Variants in VPS13A observed in about 807,000 individuals in gnomAD.
VPS13A encodes the protein vacuolar protein sorting 13 homolog A.
A neutral mutation model predicts 390.9 loss-of-function variants in VPS13A; 264 were observed. The observed-to-expected ratio is 0.68, with a 90% confidence interval of 0.61 to 0.75. The LOEUF (loss-of-function observed/expected upper bound fraction) is 0.75. Ranked by LOEUF, VPS13A falls within the 30% of genes least tolerant of loss-of-function variation. VPS13A has a pLI of 0.00. For missense variants in VPS13A, 3,409 were observed against 3,733.9 expected (o/e 0.91, Z 2.27); for synonymous variants, 1,231 against 1,227.1 (o/e 1.00, Z -0.07).
At chr9:77,181,958 T>C (rs1031427636) in intron 1 of VPS13A, among the ~76,000 whole-genome samples, 1 of 152,244 alleles carries the variant, frequency 6.6e-6, no homozygotes, top group African/African-American at 2.4e-5. Context: ...CAAATTTTGA[T>C]GTTGGTAAGG....
At position 77,220,334 on chromosome 9, in the gene VPS13A, T is replaced by C; in HGVS notation, c.940T>C (p.Tyr314His). The C allele has an allele frequency of 6.2e-7, 1 of 1,612,712 alleles. No individual in the cohort carries two copies. Among genetic ancestry groups the C allele is most frequent in the Non-Finnish European group, 8.5e-7 (1 of 1,179,292 alleles). ...SVDMMAQNLP[Y>H]RKFKPDVPLH... ...TGATATGATGGCACAAAATCTGCCA[T>C]ATAGGAAGTTCAAACCTGATGTGCC... is the stretch of plus-strand genomic sequence containing the variant. The change falls in exon 12 of 72, where the codon TAT becomes CAT. Residue 314 changes from tyrosine (Y) to histidine (H), a missense_variant. Tyr to His is a moderately conservative substitution (Grantham distance 83, BLOSUM62 2). Around this residue, in one of 5 missense-constraint regions of VPS13A, gnomAD observed 2,717 missense variants for 2,917.4 expected, o/e 0.93. Transcript: ENST00000360280.
At chr9:77,333,697 T>C (rs1485909364) in intron 46 of VPS13A, among the ~76,000 whole-genome samples, 1 of 152,114 alleles carries the variant, frequency 6.6e-6, no homozygotes, top group African/African-American at 2.4e-5. Flanking sequence ...ATATTTAAGA[T>C]GTGAGGTTTT....
chr9:77,350,136 T>C (rs1319270316), intron 52 of VPS13A, among the ~76,000 whole-genome samples: 5 of 152,218 alleles, frequency 3.3e-5, no homozygotes, highest in Admixed American at 2.6e-4. Context: ...AATTTTAAGA[T>C]TGAAACAGTA....
At chr9:77,283,955 C>T (rs1051910309) in intron 31 of VPS13A, among the ~76,000 whole-genome samples, 6 of 149,130 alleles carry the variant, frequency 4.0e-5, no homozygotes, top group Admixed American at 1.3e-4. Context: ...CTAGTAAATA[C>T]CTTTTTCACT....
chr9:77,181,529 A>AG, intron 1 of VPS13A, among the ~76,000 whole-genome samples: 1 of 151,772 alleles, frequency 6.6e-6, no homozygotes, highest in East Asian at 1.9e-4. Context: ...AAAAAAAAAA[A>AG]AAAAAAAGAA....
At chr9:77,382,907 C>T in intron 68 of VPS13A, 1 of 985,302 alleles carries the variant, frequency 1.0e-6, no homozygotes, top group Non-Finnish European at 1.2e-6. Flanking sequence ...CTGGATTATG[C>T]TGTAGGTAAC....
chr9:77,303,429 G>A (rs1828497497), intron 34 of VPS13A, among the ~76,000 whole-genome samples: 1 of 151,958 alleles, frequency 6.6e-6, no homozygotes, highest in African/African-American at 2.4e-5. Context: ...GAAGTGAAGG[G>A]GTGGCCTGCA....
rs1410489622 is a variant in VPS13A at position 77,177,757 on chromosome 9, A to G, written c.53A>G (p.Tyr18Cys). Reference sequence around the variant, plus strand: ...GTGTTGAACCGGTTCTTGGGGGACTATGTGGTGGACTTGGACACGTCCCAG... The same window carrying G: ...GTGTTGAACCGGTTCTTGGGGGACTGTGTGGTGGACTTGGACACGTCCCAG... ...VDVLNRFLGD[Y>C]VVDLDTSQLS... The change falls in exon 1 of 72, where the codon TAT becomes TGT. Residue 18 changes from tyrosine (Y) to cysteine (C), a missense_variant. This residue lies in a region of VPS13A where 2,717 missense variants were observed against 2,917.4 expected (regional missense o/e 0.93). Transcript: ENST00000360280. The G allele has an allele frequency of 1.6e-5, 26 of 1,613,382 alleles. No individual in the cohort carries two copies. Among genetic ancestry groups the G allele is most frequent in the African/African-American group, 2.7e-5 (2 of 74,864 alleles).
rs748899324 is a variant in VPS13A at position 77,226,459 on chromosome 9, A to C, written c.1225-7A>C. ...GTGTCATTTATTTGAAAATTTATTCATTTTAGGTAAAGAAAGCTGGATACA... is the reference window on the plus strand; with the variant it reads ...GTGTCATTTATTTGAAAATTTATTCCTTTTAGGTAAAGAAAGCTGGATACA... On this transcript the variant is annotated splice_region_variant and splice_polypyrimidine_tract_variant and intron_variant, in intron 14 of 71. Coordinates refer to ENST00000360280, the MANE Select transcript of VPS13A (RefSeq NM_033305.3). The C allele has an allele frequency of 5.0e-6, 8 of 1,601,814 alleles. No homozygotes were observed. The South Asian group carries it at 8.8e-5, about 18-fold the overall frequency.
At chr9:77,310,751 AG>A in intron 35 of VPS13A, among the ~76,000 whole-genome samples, 2 of 152,330 alleles carry the variant, frequency 1.3e-5, no homozygotes, top group Non-Finnish European at 2.9e-5. Context: ...AAGATGGATC[AG>A]GGGAAACAAA....
chr9:77,177,718 C>T lies in VPS13A; in HGVS notation c.14C>T (p.Ser5Leu). The change falls in exon 1 of 72, where the codon TCG becomes TTG. Residue 5 changes from serine (S) to leucine (L), a missense_variant. Ser to Leu is a moderately radical substitution (Grantham distance 145). Transcript: ENST00000360280. MVFE[S>L]VVVDVLNRFL... ...CGGCTGAGGAACATGGTTTTCGAGT[C>T]GGTGGTCGTGGACGTGTTGAACCGG... 1.2e-6 allele frequency: 2 copies of T among 1,613,410 alleles called. No individual in the cohort carries two copies. The highest frequency in any genetic ancestry group is 1.7e-6 in the Non-Finnish European group (2 of 1,179,628).
chr9:77,406,353 C>A (rs1364674779), intron 70 of VPS13A, among the ~76,000 whole-genome samples: 1 of 152,124 alleles, frequency 6.6e-6, no homozygotes, highest in African/African-American at 2.4e-5. Flanking sequence ...TTAATACATT[C>A]TCTTATCTCT....
chr9:77,408,338 G>T (rs1048287719), intron 71 of VPS13A, among the ~76,000 whole-genome samples: 1 of 152,218 alleles, frequency 6.6e-6, no homozygotes, highest in African/African-American at 2.4e-5. Flanking sequence ...AATAGGAAAA[G>T]CTCCAGTCTA....
intron 22 of VPS13A, among the ~76,000 whole-genome samples, chr9:77,258,248 A>C (rs1204474388): frequency 6.6e-6 from 1 of 152,154 alleles, no homozygotes; most frequent in Non-Finnish European, 1.5e-5. Context: ...TCTAACATCT[A>C]CCAAACACTT....
chr9:77,292,702 G>A (rs1336298189), intron 31 of VPS13A, among the ~76,000 whole-genome samples: 1 of 152,130 alleles, frequency 6.6e-6, no homozygotes, highest in African/African-American at 2.4e-5. Flanking sequence ...AATTGAGAAA[G>A]TTATGAGCTT....
At chr9:77,226,033 T>C in intron 14 of VPS13A, 45 bp downstream of exon 14, 1 of 1,516,136 alleles carries the variant, frequency 6.6e-7, no homozygotes, top group South Asian at 1.1e-5. Context: ...CTGAATTCCA[T>C]ATAGATATGA....
intron 33 of VPS13A, among the ~76,000 whole-genome samples, chr9:77,298,587 G>T (rs1039424359): frequency 7.2e-5 from 11 of 152,062 alleles, no homozygotes; most frequent in Non-Finnish European, 1.6e-4. Context: ...CAGTTGGATT[G>T]AGACAAAACT....
chr9:77,291,257 G>T (rs1587505790), intron 31 of VPS13A, among the ~76,000 whole-genome samples: 1 of 152,108 alleles, frequency 6.6e-6, no homozygotes, highest in South Asian at 2.1e-4. Context: ...AAAGCCTGAT[G>T]CTCTGAAGTG....
chr9:77,409,876 A>T (rs1037242131), intron 71 of VPS13A, among the ~76,000 whole-genome samples: 11 of 151,246 alleles, frequency 7.3e-5, no homozygotes, highest in Admixed American at 5.9e-4. Flanking sequence ...ACTCTGCAGG[A>T]TATTATCCAG....
Sources: allele counts gnomAD v4.1 joint callset (sites outside exome capture counted in the v4.1 genomes callset), GRCh38; gene constraint gnomAD v4.1.1; regional missense constraint gnomAD v4.1.1; transcripts MANE v1.5; gene names NCBI Gene and HGNC (gene_info 2026-07-23, HGNC 2026-07-21).